The following RARB variants were observed in gnomAD, a reference collection of about 807,000 sequenced individuals.
RARB encodes HBV-activated protein.
RARB carries 17 observed loss-of-function variants against 51.9 expected under a neutral mutation model. The ratio of observed to expected loss-of-function variants is 0.33; its 90% CI spans 0.22 to 0.49. The LOEUF (loss-of-function observed/expected upper bound fraction) is 0.49, where lower values mean the gene tolerates loss of function less well. RARB is among the 20% of genes least tolerant of loss of function. The probability of loss-of-function intolerance (pLI) is 0.99; values close to 1 mark genes in which losing one functional copy is unlikely to be tolerated. For missense variants in RARB, 369 were observed against 550.8 expected (o/e 0.67, Z 3.30); for synonymous variants, 215 against 195.4 (o/e 1.10, Z -0.84).
At chr3:24,881,546 G>T (rs1452910115) in intron 2 of RARB, among the ~76,000 whole-genome samples, 1 of 151,918 alleles carries the variant, frequency 6.6e-6, no homozygotes, top group East Asian at 1.9e-4. Context: ...AAATCTCTTG[G>T]GACCAAGAGA....
intron 2 of RARB, among the ~76,000 whole-genome samples, chr3:25,045,168 G>C (rs1698188087): frequency 6.6e-6 from 1 of 152,190 alleles, no homozygotes; most frequent in Non-Finnish European, 1.5e-5. Flanking sequence ...AAAGTACAGT[G>C]CCTTCTTGCA....
intron 5 of RARB, among the ~76,000 whole-genome samples, chr3:25,272,383 T>A (rs1207153333): frequency 3.9e-5 from 6 of 152,150 alleles, no homozygotes; most frequent in African/African-American, 1.4e-4. Context: ...CAAAGTCTTG[T>A]GGTCTAGATA....
chr3:25,517,798 T>C (rs1698232864), intron 3 of RARB, among the ~76,000 whole-genome samples: 1 of 152,184 alleles, frequency 6.6e-6, no homozygotes, highest in African/African-American at 2.4e-5. Flanking sequence ...TACAACAGAA[T>C]ATTTTTCATC....
intron 5 of RARB, among the ~76,000 whole-genome samples, chr3:25,404,644 T>G (rs1486557511): frequency 6.6e-6 from 1 of 152,048 alleles, no homozygotes; most frequent in Non-Finnish European, 1.5e-5. Context: ...TAGGGACAGA[T>G]AGTGGAAGCA....
rs532704477 is a variant in RARB, at chr3:25,117,349, A to C, written c.-327-14812A>C. 4.6e-5 allele frequency among the ~76,000 whole-genome samples: 7 copies of C among 152,322 alleles called. No homozygotes were observed. The South Asian group carries it at 1.4e-3, about 32-fold the overall frequency. Reference sequence around the variant, plus strand: ...TAAATTGAGAACTGAATAAAAGTTCACCAGGAGCATGGCACAAGAGGTTTC... The same window carrying C: ...TAAATTGAGAACTGAATAAAAGTTCCCCAGGAGCATGGCACAAGAGGTTTC... On this transcript the variant is annotated intron_variant, in intron 3 of 11. Transcript: ENST00000383772.
At chr3:25,182,795 G>A (rs965957249) in intron 5 of RARB, among the ~76,000 whole-genome samples, 1 of 152,290 alleles carries the variant, frequency 6.6e-6, no homozygotes, top group South Asian at 2.1e-4. Flanking sequence ...TGTGAACATA[G>A]CCTTATTTGG....
chr3:25,442,817 C>T (rs76432694), intron 1 of RARB, among the ~76,000 whole-genome samples: 79 of 152,206 alleles, frequency 5.2e-4, no homozygotes, highest in African/African-American at 1.7e-3. Flanking sequence ...TCTCAGTGGG[C>T]GGGAATTACA....
At chr3:25,035,020 A>G (rs939608214) in intron 2 of RARB, among the ~76,000 whole-genome samples, 1 of 152,236 alleles carries the variant, frequency 6.6e-6, no homozygotes, top group Non-Finnish European at 1.5e-5. Flanking sequence ...ATGTGATATG[A>G]TATTTCTAAT....
chr3:25,453,721 C>G (rs972089479), intron 1 of RARB, among the ~76,000 whole-genome samples: 1 of 152,190 alleles, frequency 6.6e-6, no homozygotes, highest in Non-Finnish European at 1.5e-5. Flanking sequence ...CAGAGTTTCT[C>G]ACAACCCAGC....
At chr3:24,881,305 C>T (rs1703154131) in intron 2 of RARB, among the ~76,000 whole-genome samples, 1 of 150,760 alleles carries the variant, frequency 6.6e-6, no homozygotes, top group African/African-American at 2.5e-5. Flanking sequence ...GAACAAACTA[C>T]TACAAGATCT....
chr3:24,834,551 C>A (rs1290297023), intron 1 of RARB, among the ~76,000 whole-genome samples: 1 of 152,164 alleles, frequency 6.6e-6, no homozygotes. Flanking sequence ...CTGTTCTGAG[C>A]ATAACCGGCA....
chr3:25,332,138 C>T (rs529566071), intron 5 of RARB, among the ~76,000 whole-genome samples: 2 of 152,104 alleles, frequency 1.3e-5, no homozygotes, highest in Non-Finnish European at 2.9e-5. Flanking sequence ...CTATTCCAAT[C>T]AATAGAAAAA....
At chr3:25,541,372 T>C (rs1699374181) in intron 3 of RARB, among the ~76,000 whole-genome samples, 1 of 152,224 alleles carries the variant, frequency 6.6e-6, no homozygotes. Context: ...TTTTTCTGTC[T>C]TTCGTTCTGA....
At chr3:25,135,948 A>G (rs928510362) in intron 4 of RARB, among the ~76,000 whole-genome samples, 2 of 152,010 alleles carry the variant, frequency 1.3e-5, no homozygotes, top group African/African-American at 4.8e-5. Flanking sequence ...AAAAAAAGAA[A>G]TATAAAATTT....
intron 5 of RARB, among the ~76,000 whole-genome samples, chr3:25,195,206 C>G (rs1183528881): frequency 1.3e-5 from 2 of 151,758 alleles, no homozygotes; most frequent in African/African-American, 2.4e-5. Flanking sequence ...TTTTTCCAAA[C>G]AGTTTCACCT....
chr3:25,522,844 T>G (rs1463583270), intron 3 of RARB, among the ~76,000 whole-genome samples: 1 of 152,262 alleles, frequency 6.6e-6, no homozygotes, highest in South Asian at 2.1e-4. Context: ...GGTGCTTGGC[T>G]TAAGGTTCTG....
At chr3:25,210,553 T>TGTTTTTTTTGA (rs1701670992) in intron 5 of RARB, among the ~76,000 whole-genome samples, 2 of 82,498 alleles carry the variant, frequency 2.4e-5, no homozygotes, top group Non-Finnish European at 4.9e-5. Context: ...TTTTTTTTTT[T>TGTTTTTTTTGA]GAGATTGAGT....
chr3:25,326,199 A>G (rs1238685774), intron 5 of RARB, among the ~76,000 whole-genome samples: 1 of 152,214 alleles, frequency 6.6e-6, no homozygotes, highest in Non-Finnish European at 1.5e-5. Context: ...TCTCCCTAAA[A>G]TTCTGAGGGG....
chr3:25,543,638 G>C (rs1699484135), intron 3 of RARB, among the ~76,000 whole-genome samples: 1 of 152,162 alleles, frequency 6.6e-6, no homozygotes, highest in African/African-American at 2.4e-5. Flanking sequence ...AAGCAGCGCT[G>C]ACCTAAGTGA....
Sources: allele counts gnomAD v4.1 joint callset (sites outside exome capture counted in the v4.1 genomes callset), GRCh38; gene constraint gnomAD v4.1.1; transcripts MANE v1.5; gene names NCBI Gene and HGNC (gene_info 2026-07-23, HGNC 2026-07-21).